CCSER1: variants seen among roughly 807,000 people sequenced by gnomAD.
CCSER1 encodes the protein coiled-coil serine rich protein 1.
A neutral mutation model predicts 82.0 loss-of-function variants in CCSER1; 41 were observed. The ratio of observed to expected loss-of-function variants is 0.50; its 90% CI spans 0.39 to 0.65. CCSER1 has a LOEUF of 0.65. Among genes scored for constraint, CCSER1 ranks in the 30% least tolerant of loss-of-function variants. The pLI is 0.00. For synonymous variants in CCSER1, 414 were observed against 383.9 expected (o/e 1.08, Z -0.92); for missense variants, 1,119 against 1,064.2 (o/e 1.05, Z -0.72).
intron 9 of CCSER1, among the ~76,000 whole-genome samples, chr4:91,013,793 T>G (rs1482408356): frequency 3.1e-5 from 4 of 127,564 alleles, no homozygotes; most frequent in African/African-American, 1.0e-4. Context: ...TTTTTTTTTT[T>G]TGTATTTTTA....
intron 3 of CCSER1, among the ~76,000 whole-genome samples, chr4:90,350,661 G>A (rs958294907): frequency 6.6e-6 from 1 of 152,078 alleles, no homozygotes; most frequent in African/African-American, 2.4e-5. Flanking sequence ...AATATGTAAC[G>A]GAAGTAAAGC....
At chr4:91,454,227 T>C (rs569393147) in intron 10 of CCSER1, among the ~76,000 whole-genome samples, 11 of 152,176 alleles carry the variant, frequency 7.2e-5, no homozygotes, top group East Asian at 1.9e-4. Flanking sequence ...ATCAGTTTCA[T>C]TGGGGAAAAA....
intron 10 of CCSER1, among the ~76,000 whole-genome samples, chr4:91,466,662 G>A (rs1164214574): frequency 1.3e-5 from 2 of 152,104 alleles, no homozygotes; most frequent in African/African-American, 4.8e-5. Flanking sequence ...AAAGTCTCAG[G>A]ATACAAAATC....
chr4:90,740,036 C>T (rs945175898), intron 7 of CCSER1, among the ~76,000 whole-genome samples: 1 of 152,114 alleles, frequency 6.6e-6, no homozygotes, highest in African/African-American at 2.4e-5. Context: ...GGCTTCTATT[C>T]AGCCATATTG....
At chr4:90,778,481 A>G (rs542937784) in intron 7 of CCSER1, among the ~76,000 whole-genome samples, 1 of 152,076 alleles carries the variant, frequency 6.6e-6, no homozygotes, top group Admixed American at 6.5e-5. Context: ...TTTATTGTAA[A>G]TAAGTTTTCC....
chr4:91,089,581 G>T (rs938042578), intron 10 of CCSER1, among the ~76,000 whole-genome samples: 3 of 152,132 alleles, frequency 2.0e-5, no homozygotes, highest in African/African-American at 7.2e-5. Flanking sequence ...TAGATTGATA[G>T]TGATTCATAT....
chr4:91,420,338 A>C (rs1238134593), intron 10 of CCSER1, among the ~76,000 whole-genome samples: 1 of 152,130 alleles, frequency 6.6e-6, no homozygotes, highest in Non-Finnish European at 1.5e-5. Flanking sequence ...CTAACTCAAT[A>C]GTGAAAAGAA....
At chr4:90,570,920 A>G (rs28477264) in intron 5 of CCSER1, among the ~76,000 whole-genome samples, 9,694 of 152,098 alleles carry the variant, frequency 0.064, 822 homozygotes, top group African/African-American at 0.19. Context: ...CAGCAAAGGA[A>G]CCCTTACAGA....
At chr4:90,956,766 C>CTT (rs34175078) in intron 9 of CCSER1, among the ~76,000 whole-genome samples, 1 of 137,472 alleles carries the variant, frequency 7.3e-6, no homozygotes, top group Non-Finnish European at 1.6e-5. Flanking sequence ...TCTTCCTCTT[C>CTT]TTTTTTTTTT....
Position 91,070,833 on chromosome 4 carries a change from C to T in CCSER1, c.2173-15117C>T, listed in dbSNP as rs548022020. Among the ~76,000 whole-genome samples, 46 of 152,184 alleles carry T rather than the reference C, an allele frequency of 3.0e-4. No homozygotes were observed. The South Asian group carries it at 8.3e-3, about 27-fold the overall frequency. On this transcript the variant is annotated intron_variant, in intron 9 of 10. Coordinates refer to ENST00000509176, the MANE Select transcript of CCSER1 (RefSeq NM_001145065.2). ...GCTCTACAAGAGAGTCTGGTATTAA[C>T]AATTTTAAAAAATAAAGTCTTTGTC...
At chr4:91,026,941 T>C (rs1326536050) in intron 9 of CCSER1, among the ~76,000 whole-genome samples, 1 of 151,988 alleles carries the variant, frequency 6.6e-6, no homozygotes, top group Non-Finnish European at 1.5e-5. Flanking sequence ...CAAATTACAG[T>C]TTTAAATTCA....
chr4:90,202,201 ACTT>A (rs1400375900), intron 1 of CCSER1, among the ~76,000 whole-genome samples: 2 of 110,128 alleles, frequency 1.8e-5, no homozygotes, highest in African/African-American at 5.1e-5. Context: ...TGTAAGTAAA[ACTT>A]TTTTTTTTTT....
chr4:91,050,278 A>G (rs778802990), intron 9 of CCSER1, among the ~76,000 whole-genome samples: 7 of 152,088 alleles, frequency 4.6e-5, no homozygotes, highest in Admixed American at 1.3e-4. Context: ...TAAAAATACA[A>G]AAATGAACCG....
chr4:91,421,598 T>A (rs1310282249), intron 10 of CCSER1, among the ~76,000 whole-genome samples: 1 of 152,074 alleles, frequency 6.6e-6, no homozygotes, highest in Admixed American at 6.6e-5. Context: ...CACACCCAGA[T>A]AAAACATTTT....
At chr4:90,224,000 C>A (rs985372402) in intron 1 of CCSER1, among the ~76,000 whole-genome samples, 1 of 152,204 alleles carries the variant, frequency 6.6e-6, no homozygotes, top group Non-Finnish European at 1.5e-5. Context: ...TGTCGAATAA[C>A]TGTAGCTTAT....
At chr4:90,661,836 A>T (rs1730847204) in intron 6 of CCSER1, among the ~76,000 whole-genome samples, 2 of 152,122 alleles carry the variant, frequency 1.3e-5, no homozygotes, top group African/African-American at 4.8e-5. Flanking sequence ...CAATTCCACA[A>T]GTATCAGAAA....
chr4:90,919,667 T>G (rs1261378925), intron 8 of CCSER1, among the ~76,000 whole-genome samples: 1 of 151,938 alleles, frequency 6.6e-6, no homozygotes, highest in Non-Finnish European at 1.5e-5. Context: ...ATTATACAAA[T>G]GTTATTGATT....
In CCSER1 at chr4:91,531,000, T is replaced by C. The variant is rs1761002529; in HGVS notation, c.2218-67572T>C. Among the ~76,000 whole-genome samples, 3 of 152,220 alleles carry C rather than the reference T, an allele frequency of 2.0e-5. No homozygotes were observed. The South Asian group carries it at 6.2e-4, about 32-fold the overall frequency. Reference sequence around the variant, plus strand: ...CTGCACCCGGCAAAAATTGTATATTTCTTTAAAATCCTTTATTCAATAAAA... The same window carrying C: ...CTGCACCCGGCAAAAATTGTATATTCCTTTAAAATCCTTTATTCAATAAAA... On this transcript the variant is annotated intron_variant, in intron 10 of 10. Coordinates refer to ENST00000509176, the MANE Select transcript of CCSER1 (RefSeq NM_001145065.2).
intron 3 of CCSER1, among the ~76,000 whole-genome samples, chr4:90,328,302 G>A (rs1213486687): frequency 6.6e-6 from 1 of 151,324 alleles, no homozygotes. Context: ...AGAGAAATAT[G>A]CAGTGATTTT....
Sources: allele counts gnomAD v4.1 joint callset (sites outside exome capture counted in the v4.1 genomes callset), GRCh38; gene constraint gnomAD v4.1.1; transcripts MANE v1.5; gene names NCBI Gene and HGNC (gene_info 2026-07-23, HGNC 2026-07-21).